Variants in CSMD2 observed in about 807,000 individuals in gnomAD.
CSMD2 encodes CUB and Sushi multiple domains 2.
Under a neutral mutation model 398.5 loss-of-function variants are expected in CSMD2, and 130 were observed. The ratio of observed to expected loss-of-function variants is 0.33; its 90% CI spans 0.28 to 0.38. The LOEUF (loss-of-function observed/expected upper bound fraction) is 0.38. Ranked by LOEUF, CSMD2 falls within the 10% of genes least tolerant of loss-of-function variation. CSMD2 has a pLI of 1.00. For synonymous variants in CSMD2, 1,828 were observed against 1,908.5 expected, an observed-to-expected ratio of 0.96 and a Z score of 1.10; for missense variants, 3,829 against 4,764.9, an observed-to-expected ratio of 0.80 and a Z score of 5.78.
intron 3 of CSMD2, among the ~76,000 whole-genome samples, chr1:33,944,222 T>A (rs938315589): frequency 6.6e-6 from 1 of 150,560 alleles, no homozygotes; most frequent in Non-Finnish European, 1.5e-5. Context: ...GATTCATATC[T>A]CAGGAACGCC....
At chr1:33,791,767 A>G (rs1290663073) in intron 11 of CSMD2, among the ~76,000 whole-genome samples, 2 of 152,314 alleles carry the variant, frequency 1.3e-5, no homozygotes, top group South Asian at 2.1e-4. Flanking sequence ...GGATTACATC[A>G]ATACACCACC....
At chr1:34,075,836 C>T (rs938050837) in intron 2 of CSMD2, among the ~76,000 whole-genome samples, 3 of 152,324 alleles carry the variant, frequency 2.0e-5, no homozygotes, top group African/African-American at 4.8e-5. Context: ...TTCAGTAATT[C>T]ATCCAGGCAG....
At chr1:33,906,004 C>T (rs1643064048) in intron 5 of CSMD2, among the ~76,000 whole-genome samples, 1 of 152,202 alleles carries the variant, frequency 6.6e-6, no homozygotes, top group Admixed American at 6.5e-5. Flanking sequence ...ATTCTCCACT[C>T]ATTTTCCCTG....
At chr1:34,034,044 T>A (rs1327355908) in intron 2 of CSMD2, among the ~76,000 whole-genome samples, 1 of 152,146 alleles carries the variant, frequency 6.6e-6, no homozygotes, top group Non-Finnish European at 1.5e-5. Flanking sequence ...GATCCCTACC[T>A]CACCCCATAT....
rs148390309 is a variant in CSMD2, at chr1:33,846,201, T to C, written c.1033+683A>G. 3.8e-3 allele frequency among the ~76,000 whole-genome samples: 573 copies of C among 152,340 alleles called. 4 individuals are homozygous for C. The highest frequency in any genetic ancestry group is 5.3e-3 in the Non-Finnish European group (363 of 68,036). Reference sequence around the variant, plus strand: ...TTCTGGGTTAACCCACTCCTTTTTATAGGTGGTTCTTGGGTTGGGAAATTC... The same window carrying C: ...TTCTGGGTTAACCCACTCCTTTTTACAGGTGGTTCTTGGGTTGGGAAATTC... On this transcript the variant is annotated intron_variant, in intron 6 of 70. Coordinates refer to ENST00000373381, the MANE Select transcript of CSMD2 (RefSeq NM_001281956.2).
chr1:33,975,251 C>A (rs978435431), intron 3 of CSMD2, among the ~76,000 whole-genome samples: 2 of 152,178 alleles, frequency 1.3e-5, no homozygotes, highest in Admixed American at 6.5e-5. Flanking sequence ...TCCAGGGGTA[C>A]CCCTCACTTA....
chr1:33,552,900 C>T (rs926971639), intron 55 of CSMD2, among the ~76,000 whole-genome samples: 1 of 152,148 alleles, frequency 6.6e-6, no homozygotes, highest in Middle Eastern at 3.4e-3. Flanking sequence ...GAATTGTATA[C>T]ATTAAAAGAA....
At chr1:33,928,278 C>G (rs1644195614) in intron 4 of CSMD2, among the ~76,000 whole-genome samples, 1 of 152,172 alleles carries the variant, frequency 6.6e-6, no homozygotes, top group Admixed American at 6.5e-5. Context: ...GCCTCAGTTT[C>G]CTCACTTGTA....
In CSMD2 at chr1:34,155,808, C is replaced by T. The variant is rs192015619; in HGVS notation, c.187+9103G>A. Among the ~76,000 whole-genome samples, 4 of 152,346 alleles carry T rather than the reference C, an allele frequency of 2.6e-5. No individual in the cohort carries two copies. In the East Asian group the frequency reaches 7.7e-4, roughly 29 times the overall value. On this transcript the variant is annotated intron_variant, in intron 1 of 70. Coordinates refer to ENST00000373381, the MANE Select transcript of CSMD2 (RefSeq NM_001281956.2). ...TTTGGTCTTATTCTAATAGCTCTGG[C>T]TTCTCTTTGGACGCTTCTTTTTTAA...
chr1:33,571,274 G>T (rs772648731), intron 51 of CSMD2, among the ~76,000 whole-genome samples: 1 of 152,160 alleles, frequency 6.6e-6, no homozygotes, highest in Non-Finnish European at 1.5e-5. Context: ...GAATATTAAA[G>T]AAATGAATTA....
intron 5 of CSMD2, chr1:33,861,442 G>A (rs1365076386): frequency 3.3e-5 from 5 of 152,146 alleles, no homozygotes; most frequent in Non-Finnish European, 5.9e-5. Context: ...TGGCCCTCTA[G>A]ACCAATGCTC....
At chr1:34,045,054 C>T (rs1652338783) in intron 2 of CSMD2, among the ~76,000 whole-genome samples, 1 of 151,550 alleles carries the variant, frequency 6.6e-6, no homozygotes, top group Non-Finnish European at 1.5e-5. Flanking sequence ...CACACACACA[C>T]ACACACACAC....
chr1:33,542,947 C>A, intron 57 of CSMD2, 51 bp from the exon 58 acceptor site: 1 of 1,541,180 alleles, frequency 6.5e-7, no homozygotes. Context: ...TGGGTATCAC[C>A]TAGGGGACTG....
chr1:33,755,116 C>T (rs1648807736), intron 13 of CSMD2, among the ~76,000 whole-genome samples: 1 of 151,982 alleles, frequency 6.6e-6, no homozygotes, highest in Non-Finnish European at 1.5e-5. Context: ...GCAATGCTCA[C>T]CCAAGCAGAA....
chr1:34,029,659 C>A (rs551151220), intron 3 of CSMD2, among the ~76,000 whole-genome samples: 58 of 152,340 alleles, frequency 3.8e-4, no homozygotes, highest in Non-Finnish European at 6.6e-4. Flanking sequence ...TTTGTTAGCA[C>A]AGACACCTGT....
At chr1:33,760,578 G>A (rs778568138) in intron 13 of CSMD2, among the ~76,000 whole-genome samples, 1 of 152,156 alleles carries the variant, frequency 6.6e-6, no homozygotes, top group Non-Finnish European at 1.5e-5. Flanking sequence ...TTAGCTGTAC[G>A]CATTTGGGAG....
chr1:34,014,199 G>T (rs1647761905), intron 3 of CSMD2, among the ~76,000 whole-genome samples: 2 of 152,148 alleles, frequency 1.3e-5, no homozygotes, highest in African/African-American at 4.8e-5. Flanking sequence ...CTGCATTGCT[G>T]CATTAGACTC....
intron 29 of CSMD2, among the ~76,000 whole-genome samples, chr1:33,638,579 C>G (rs560463681): frequency 7.9e-5 from 12 of 152,358 alleles, no homozygotes; most frequent in African/African-American, 2.9e-4. Context: ...AATCCAATAG[C>G]CTCCCGTGTC....
intron 22 of CSMD2, among the ~76,000 whole-genome samples, chr1:33,708,591 C>CTTTA (rs1553180002): frequency 7.1e-6 from 1 of 141,084 alleles, no homozygotes; most frequent in Admixed American, 7.1e-5. Context: ...TCCAACCGAA[C>CTTTA]TTATTATTAT....
Sources: allele counts gnomAD v4.1 joint callset (sites outside exome capture counted in the v4.1 genomes callset), GRCh38; gene constraint gnomAD v4.1.1; transcripts MANE v1.5; gene names NCBI Gene and HGNC (gene_info 2026-07-23, HGNC 2026-07-21).